TMTC1: variants seen among roughly 807,000 people sequenced by gnomAD.
The protein encoded by TMTC1 is transmembrane O-mannosyltransferase targeting cadherins 1.
In TMTC1, 73 loss-of-function variants were observed where a neutral mutation model predicts 104.8. That is an observed-to-expected ratio of 0.70 (90% CI 0.58 to 0.85). TMTC1 has a LOEUF of 0.85. TMTC1 is among the 40% of genes least tolerant of loss of function. The pLI is 0.00. For missense variants in TMTC1, 1,035 were observed against 1,096.1 expected, an observed-to-expected ratio of 0.94 and a Z score of 0.79; for synonymous variants, 434 against 428.7, an observed-to-expected ratio of 1.01 and a Z score of -0.15.
chr12:29,673,475 T>C (rs1159760267), intron 5 of TMTC1, among the ~76,000 whole-genome samples: 1 of 152,166 alleles, frequency 6.6e-6, no homozygotes, highest in African/African-American at 2.4e-5. Flanking sequence ...CATATAATTT[T>C]TCGAACATTC....
At chr12:29,541,975 C>A (rs531443946) in intron 10 of TMTC1, among the ~76,000 whole-genome samples, 1 of 152,146 alleles carries the variant, frequency 6.6e-6, no homozygotes, top group African/African-American at 2.4e-5. Context: ...GATTTTTAAT[C>A]TAATAATTAT....
At chr12:29,546,769 C>T (rs1944953497) in intron 10 of TMTC1, among the ~76,000 whole-genome samples, 1 of 152,144 alleles carries the variant, frequency 6.6e-6, no homozygotes, top group African/African-American at 2.4e-5. Context: ...CTAGTCCCAG[C>T]TACTCGGGAG....
chr12:29,596,726 G>A (rs957497639), intron 7 of TMTC1, among the ~76,000 whole-genome samples: 3 of 152,138 alleles, frequency 2.0e-5, no homozygotes, highest in Non-Finnish European at 4.4e-5. Flanking sequence ...TGCTTTTCCT[G>A]CCCCTCTACT....
At chr12:29,605,117 CTT>C (rs948434108) in intron 6 of TMTC1, among the ~76,000 whole-genome samples, 4 of 151,900 alleles carry the variant, frequency 2.6e-5, no homozygotes, top group African/African-American at 9.7e-5. Context: ...TAAAACAAAA[CTT>C]AATGTACTGG....
chr12:29,559,632 A>G (rs1945330288), intron 9 of TMTC1, among the ~76,000 whole-genome samples: 1 of 152,220 alleles, frequency 6.6e-6, no homozygotes, highest in Non-Finnish European at 1.5e-5. Flanking sequence ...GGGACCAATT[A>G]TAGTCCGGGA....
At chr12:29,690,220 A>C (rs895759237) in intron 5 of TMTC1, among the ~76,000 whole-genome samples, 1 of 152,228 alleles carries the variant, frequency 6.6e-6, no homozygotes, top group Admixed American at 6.5e-5. Flanking sequence ...GAACTAGAGT[A>C]ACAGACTCAG....
chr12:29,657,186 A>G (rs772658719), intron 5 of TMTC1, among the ~76,000 whole-genome samples: 4 of 152,230 alleles, frequency 2.6e-5, no homozygotes, highest in Non-Finnish European at 5.9e-5. Context: ...AAGTCTTGGA[A>G]TGAAATCAAC....
chr12:29,718,556 T>C (rs1942146595), intron 5 of TMTC1, among the ~76,000 whole-genome samples: 1 of 152,108 alleles, frequency 6.6e-6, no homozygotes, highest in Non-Finnish European at 1.5e-5. Flanking sequence ...TCAGATGCCA[T>C]CCCATTGCAG....
intron 6 of TMTC1, among the ~76,000 whole-genome samples, chr12:29,610,850 A>G (rs1211983169): frequency 1.3e-5 from 2 of 152,238 alleles, no homozygotes; most frequent in Non-Finnish European, 2.9e-5. Context: ...TCAAAAGCAG[A>G]GCTGCCAACC....
At chr12:29,507,665 TTTTG>T (rs1407301468) in intron 17 of TMTC1, among the ~76,000 whole-genome samples, 5 of 152,194 alleles carry the variant, frequency 3.3e-5, no homozygotes, top group African/African-American at 1.2e-4. Flanking sequence ...CTTCCAACTG[TTTTG>T]TTTGATTCTT....
At chr12:29,643,076 A>C (rs1271527307) in intron 5 of TMTC1, among the ~76,000 whole-genome samples, 2 of 152,142 alleles carry the variant, frequency 1.3e-5, no homozygotes, top group African/African-American at 4.8e-5. Flanking sequence ...GGAAATGCAA[A>C]TCAAAACCAC....
intron 10 of TMTC1, among the ~76,000 whole-genome samples, chr12:29,544,520 G>C (rs1444660486): frequency 6.6e-6 from 1 of 152,096 alleles, no homozygotes; most frequent in African/African-American, 2.4e-5. Context: ...TGTTTCTTTG[G>C]AACGACTCTT....
At chr12:29,583,710 G>C (rs1946047876) in intron 7 of TMTC1, 136 bp from the exon 8 acceptor site, 2 of 744,622 alleles carry the variant, frequency 2.7e-6, no homozygotes, top group South Asian at 2.2e-5. Flanking sequence ...CCCTGCCTTG[G>C]ACAATATTAA....
At chr12:29,770,904 A>G (rs1943581133) in intron 1 of TMTC1, among the ~76,000 whole-genome samples, 1 of 152,168 alleles carries the variant, frequency 6.6e-6, no homozygotes, top group South Asian at 2.1e-4. Context: ...GATTAACCTC[A>G]TAATTTAATA....
At position 29,751,799 on chromosome 12, in the gene TMTC1, G is replaced by T; in HGVS notation, c.805C>A (p.Pro269Thr). 1.2e-6 allele frequency: 2 copies of T among 1,612,782 alleles called. No individual in the cohort carries two copies. The highest frequency in any genetic ancestry group is 1.1e-5 in the South Asian group (1 of 90,818). Reference sequence around the variant, plus strand: ...TGCTGCTTCCCATTCTCCCGGTGAGGATGGCCTGGCAGTGAGGAGGGCTGG... The same window carrying T: ...TGCTGCTTCCCATTCTCCCGGTGAGTATGGCCTGGCAGTGAGGAGGGCTGG... ...SPQPSSLPGH[P>T]HRENGKQQRF... The change falls in exon 5 of 18, where the codon CCT (proline) becomes ACT (threonine). Residue 269 changes from proline to threonine, a missense_variant. Pro to Thr is a conservative substitution (Grantham distance 38). Coordinates refer to ENST00000539277, the MANE Select transcript of TMTC1 (RefSeq NM_001193451.2).
intron 6 of TMTC1, among the ~76,000 whole-genome samples, chr12:29,623,176 T>A (rs1174439552): frequency 2.0e-5 from 3 of 152,362 alleles, no homozygotes; most frequent in African/African-American, 7.2e-5. Context: ...GTTTTTGTTT[T>A]GCATAGTTAT....
intron 10 of TMTC1, among the ~76,000 whole-genome samples, chr12:29,552,291 C>T (rs1456861446): frequency 2.0e-5 from 3 of 151,834 alleles, no homozygotes; most frequent in African/African-American, 7.3e-5. Context: ...AAAGAATGCA[C>T]ACCATCTCAG....
At chr12:29,769,544 CTGCT>C (rs955120761) in intron 1 of TMTC1, among the ~76,000 whole-genome samples, 11 of 152,324 alleles carry the variant, frequency 7.2e-5, no homozygotes, top group African/African-American at 2.6e-4. Flanking sequence ...GGCAGCAGAG[CTGCT>C]TGAAGTCAGA....
At chr12:29,582,643 C>A (rs1234602101) in intron 8 of TMTC1, among the ~76,000 whole-genome samples, 1 of 152,184 alleles carries the variant, frequency 6.6e-6, no homozygotes, top group Non-Finnish European at 1.5e-5. Context: ...CCTCTTCCAA[C>A]AGTTTCCCCT....
Sources: gnomAD v4.1 joint callset for allele counts (sites outside exome capture counted in the v4.1 genomes callset) on GRCh38, gnomAD v4.1.1 for gene constraint, MANE v1.5 for transcripts, NCBI Gene and HGNC (gene_info 2026-07-23, HGNC 2026-07-21) for gene names.